SLC6A15: variants seen among roughly 807,000 people sequenced by gnomAD.
SLC6A15 encodes the protein sodium-dependent neutral amino acid transporter B(0)AT2.
SLC6A15 carries 33 observed loss-of-function variants against 68.5 expected under a neutral mutation model. The ratio of observed to expected loss-of-function variants is 0.48; its 90% confidence interval spans 0.37 to 0.64. The LOEUF (loss-of-function observed/expected upper bound fraction) is 0.64. Among genes scored for constraint, SLC6A15 ranks in the 30% least tolerant of loss-of-function variants. SLC6A15 has a pLI of 0.00. For missense variants in SLC6A15, 747 were observed against 874.3 expected (o/e 0.85, Z 1.84); for synonymous variants, 347 against 301.0 (o/e 1.15, Z -1.58).
At chr12:84,879,985 C>A (rs1565725198) in intron 5 of SLC6A15, among the ~76,000 whole-genome samples, 1 of 152,114 alleles carries the variant, frequency 6.6e-6, no homozygotes, top group Non-Finnish European at 1.5e-5. Context: ...AAATTATATT[C>A]TAATTATATG....
intron 8 of SLC6A15, among the ~76,000 whole-genome samples, chr12:84,870,885 C>T (rs2120566546): frequency 6.6e-6 from 1 of 152,060 alleles, no homozygotes; most frequent in Non-Finnish European, 1.5e-5. Flanking sequence ...GAAATTTTGC[C>T]TATAATTAAT....
intron 9 of SLC6A15, among the ~76,000 whole-genome samples, 197 bp downstream of exon 9, chr12:84,870,278 ATAT>A (rs1330143902): frequency 1.3e-5 from 2 of 150,072 alleles, no homozygotes; most frequent in Non-Finnish European, 3.0e-5. Flanking sequence ...TAAAACATCC[ATAT>A]TATATTATAC....
Position 84,872,683 on chromosome 12 carries a change from A to G in SLC6A15, c.1221T>C (p.Tyr407=), listed in dbSNP as rs1487580863. 1.2e-6 allele frequency: 2 copies of G among 1,612,782 alleles called. No homozygotes were observed. The highest frequency in any genetic ancestry group is 2.2e-5 in the East Asian group (1 of 44,802). The change falls in exon 8 of 12, where the codon TAT becomes TAC. Residue 407 remains tyrosine (Y), a synonymous_variant. Transcript: ENST00000266682. ...CTTCTTTCACTTTTTGAATGATGTC[A>G]TAAACTAAATGATAATCTTCTGCAG... ...TVTAEDYHLV[Y]DIIQKVKEEE... is the part of the protein sequence containing the mutation.
chr12:84,885,476 G>T lies in SLC6A15; in HGVS notation c.533C>A (p.Pro178His). 1 of 1,613,462 alleles carries T rather than the reference G, an allele frequency of 6.2e-7. No homozygotes were observed. The highest frequency in any genetic ancestry group is 8.5e-7 in the Non-Finnish European group (1 of 1,179,654). Residue 178 changes from proline to histidine, a missense_variant, in exon 4 of 12, where the codon CCT becomes CAT. Coordinates refer to ENST00000266682, the MANE Select transcript of SLC6A15 (RefSeq NM_182767.6). ...YFSQSFQQPL[P>H]WDQCPLVKNA... ...TTTCACCAAAGGACACTGATCCCAA[G>T]GCAGGGGTTGCTGAAAAGACTGAGA...
intron 1 of SLC6A15, among the ~76,000 whole-genome samples, chr12:84,904,224 G>GGAGGGAGAGAGAGAGAGAGA (rs1555183257): frequency 8.2e-6 from 1 of 121,996 alleles, no homozygotes; most frequent in South Asian, 2.7e-4. Flanking sequence ...GGGCGGAGGG[G>GGAGGGAGAGAGAGAGAGAGA]GAGAGAGAGA....
At chr12:84,899,966 CT>C (rs1226644520) in intron 1 of SLC6A15, among the ~76,000 whole-genome samples, 1 of 151,964 alleles carries the variant, frequency 6.6e-6, no homozygotes, top group Non-Finnish European at 1.5e-5. Context: ...ATTCTAGGTT[CT>C]TTTATTTCCA....
rs145846222 is a variant in SLC6A15 at position 84,885,149 on chromosome 12, G to A, written c.574+286C>T. Among the ~76,000 whole-genome samples the A allele has an allele frequency of 5.9e-3, 899 of 151,900 alleles. 2 individuals are homozygous for A. The highest frequency in any genetic ancestry group is 0.017 in the African/African-American group (710 of 41,430). On this transcript the variant is annotated intron_variant, in intron 4 of 11. Transcript: ENST00000266682. ...ATGAAAATGTAAGGCATCAATCAGGGCATACAAAATAAAGATTATCAAAGT... is the reference window on the plus strand; with the variant it reads ...ATGAAAATGTAAGGCATCAATCAGGACATACAAAATAAAGATTATCAAAGT...
intron 5 of SLC6A15, among the ~76,000 whole-genome samples, chr12:84,878,161 T>C (rs1216960142): frequency 1.3e-5 from 2 of 152,206 alleles, no homozygotes; most frequent in Admixed American, 6.5e-5. Flanking sequence ...GGAAAAAATA[T>C]GGATAAAATG....
chr12:84,862,027 A>G (rs1297614570), intron 11 of SLC6A15, 21 bp from the exon 12 acceptor site: 1 of 1,538,628 alleles, frequency 6.5e-7, no homozygotes, highest in Non-Finnish European at 8.7e-7. Context: ...AGAAAATAAT[A>G]ATTATTAGTA....
intron 2 of SLC6A15, among the ~76,000 whole-genome samples, chr12:84,891,128 G>A (rs1329892223): frequency 6.6e-6 from 1 of 152,014 alleles, no homozygotes; most frequent in Non-Finnish European, 1.5e-5. Context: ...GCCTTTATAA[G>A]TACAAATGTA....
At chr12:84,869,980 T>C (rs1871217724) in intron 9 of SLC6A15, among the ~76,000 whole-genome samples, 1 of 152,052 alleles carries the variant, frequency 6.6e-6, no homozygotes, top group Non-Finnish European at 1.5e-5. Context: ...ACCATCCATA[T>C]TGATAAATTG....
chr12:84,872,553 ATT>A, intron 8 of SLC6A15, 47 bp downstream of exon 8: 1 of 1,512,496 alleles, frequency 6.6e-7, no homozygotes, highest in South Asian at 1.2e-5. Context: ...GATAATGCAT[ATT>A]TCAAGTGAAT....
intron 1 of SLC6A15, among the ~76,000 whole-genome samples, chr12:84,907,204 C>T (rs1360881268): frequency 9.2e-5 from 14 of 151,736 alleles, no homozygotes; most frequent in African/African-American, 2.7e-4. Context: ...AAAAATTAGC[C>T]GGGCGTGGTG....
intron 1 of SLC6A15, among the ~76,000 whole-genome samples, chr12:84,903,484 T>C (rs560603473): frequency 1.3e-5 from 2 of 152,306 alleles, no homozygotes; most frequent in African/African-American, 2.4e-5. Flanking sequence ...AGAAATGTAT[T>C]CTTTCATACT....
At chr12:84,893,426 T>A (rs1872511078) in intron 1 of SLC6A15, among the ~76,000 whole-genome samples, 1 of 152,106 alleles carries the variant, frequency 6.6e-6, no homozygotes. Context: ...TTTTTTTTCC[T>A]TTCTTTATTT....
chr12:84,868,011 A>G (rs778685142), intron 9 of SLC6A15, among the ~76,000 whole-genome samples: 1 of 152,166 alleles, frequency 6.6e-6, no homozygotes, highest in Non-Finnish European at 1.5e-5. Context: ...ACTGCATTCC[A>G]TTTCTCAACC....
intron 10 of SLC6A15, among the ~76,000 whole-genome samples, chr12:84,864,881 T>A (rs886496926): frequency 6.6e-6 from 1 of 152,160 alleles, no homozygotes; most frequent in Non-Finnish European, 1.5e-5. Flanking sequence ...CCATAAACAA[T>A]GGATGCTTAG....
intron 1 of SLC6A15, among the ~76,000 whole-genome samples, chr12:84,901,540 A>G (rs1565733204): frequency 6.6e-6 from 1 of 151,774 alleles, no homozygotes; most frequent in African/African-American, 2.4e-5. Context: ...AATTAACTCA[A>G]TACTTTCTGC....
chr12:84,879,378 T>C (rs1329818902), intron 5 of SLC6A15, among the ~76,000 whole-genome samples: 1 of 151,610 alleles, frequency 6.6e-6, no homozygotes, highest in East Asian at 1.9e-4. Context: ...CAGGGTGGAG[T>C]GCCGTGGTGC....
Sources: gnomAD v4.1 joint callset for allele counts (sites outside exome capture counted in the v4.1 genomes callset) on GRCh38, gnomAD v4.1.1 for gene constraint, MANE v1.5 for transcripts, NCBI Gene and HGNC (gene_info 2026-07-23, HGNC 2026-07-21) for gene names.